TNFRSF1A: variants seen among roughly 807,000 people sequenced by gnomAD.
TNFRSF1A encodes TNF receptor superfamily member 1A.
Under a neutral mutation model 41.6 loss-of-function variants are expected in TNFRSF1A, and 9 were observed. The ratio of observed to expected loss-of-function variants is 0.22; its 90% CI spans 0.13 to 0.38. The LOEUF (loss-of-function observed/expected upper bound fraction) is 0.38, where lower values mean the gene tolerates loss of function less well. Among genes scored for constraint, TNFRSF1A ranks in the 10% least tolerant of loss-of-function variants. TNFRSF1A has a pLI of 1.00. For missense variants in TNFRSF1A, 463 were observed against 591.5 expected, an observed-to-expected ratio of 0.78 and a Z score of 2.25; for synonymous variants, 254 against 248.6, an observed-to-expected ratio of 1.02 and a Z score of -0.21.
At position 6,333,469 on chromosome 12, in the gene TNFRSF1A, C is replaced by T. The variant is rs104895278; in HGVS notation, c.370G>A (p.Val124Met). ...TACTGGTTCTTCCTGCAGCCACACA[C>T]GGTGTCCCGGTCCACTGTGCAAGAA... is the stretch of plus-strand genomic sequence containing the variant. ...ISSCTVDRDT[V>M]CGCRKNQYRH... is the part of the protein sequence containing the mutation. The change falls in exon 4 of 10, where the codon GTG (valine) becomes ATG (methionine). Residue 124 changes from valine to methionine, a missense_variant. Val to Met is a conservative substitution (Grantham distance 21, BLOSUM62 1). Transcript: ENST00000162749. This position sits in a 1 kb window ranked among gnomAD's most constrained non-coding sequence, Gnocchi z 6.3. 1.1e-4 allele frequency: 180 copies of T among 1,614,150 alleles called. No individual in the cohort carries two copies. Among genetic ancestry groups the T allele is most frequent in the South Asian group, 8.1e-4 (74 of 91,074 alleles).
Position 6,341,707 on chromosome 12 carries a change from G to T in TNFRSF1A, c.39+69C>A. On this transcript the variant is annotated intron_variant, in intron 1 of 9. Coordinates refer to ENST00000162749, the MANE Select transcript of TNFRSF1A (RefSeq NM_001065.4). This position sits in a 1 kb window ranked among gnomAD's most constrained non-coding sequence, Gnocchi z 4.6. ...GCAGGAGAGGCTCGGCCCCCTCCCG[G>T]AGAGGGCCCACGCCAGCCGGAAGGT... The T allele has an allele frequency of 6.3e-7, 1 of 1,588,684 alleles. No individual in the cohort carries two copies. Among genetic ancestry groups the T allele is most frequent in the South Asian group, 1.1e-5 (1 of 89,852 alleles).
Position 6,333,468 on chromosome 12 carries a change from A to C in TNFRSF1A, c.371T>G (p.Val124Gly), listed in dbSNP as rs200801196. The C allele has an allele frequency of 6.2e-7, 1 of 1,614,018 alleles. No homozygotes were observed. Among genetic ancestry groups the C allele is most frequent in the African/African-American group, 1.3e-5 (1 of 74,882 alleles). ...GTACTGGTTCTTCCTGCAGCCACAC[A>C]CGGTGTCCCGGTCCACTGTGCAAGA... ...ISSCTVDRDT[V>G]CGCRKNQYRH... is the part of the protein sequence containing the mutation. Residue 124 changes from valine to glycine, a missense_variant, in exon 4 of 10, where the codon GTG (valine) becomes GGG (glycine). Val to Gly is a moderately radical substitution (Grantham distance 109). This residue lies in a region of TNFRSF1A where 149 missense variants were observed against 239.4 expected (regional missense o/e 0.62). Transcript: ENST00000162749. This position sits in a 1 kb window ranked among gnomAD's most constrained non-coding sequence, Gnocchi z 6.3.
Position 6,329,274 on chromosome 12 carries a change from G to T in TNFRSF1A, c.*38C>A. On this transcript the variant is annotated 3_prime_UTR_variant, in exon 10 of 10. Transcript: ENST00000162749. ...AAAAGTGGGGTTGGAAGGCGATCTC[G>T]CAGGACGGTCCTTAGAGCTGCCCGC... is the stretch of plus-strand genomic sequence containing the variant. 1 of 1,432,884 alleles carries T rather than the reference G, an allele frequency of 7.0e-7. No homozygotes were observed. Among genetic ancestry groups the T allele is most frequent in the Non-Finnish European group, 9.1e-7 (1 of 1,100,376 alleles). The allele number at this position is 1,432,884 out of a possible 1,614,324, so 88.8% of individuals were successfully genotyped here.
chr12:6,333,703 G>C lies in TNFRSF1A; in HGVS notation c.322+34C>G. 1 of 1,560,924 alleles carries C rather than the reference G, an allele frequency of 6.4e-7. No individual in the cohort carries two copies. Among genetic ancestry groups the C allele is most frequent in the East Asian group, 2.4e-5 (1 of 41,848 alleles). On this transcript the variant is annotated intron_variant, in intron 3 of 9. Transcript: ENST00000162749. This position sits in a 1 kb window ranked among gnomAD's most constrained non-coding sequence, Gnocchi z 6.3. ...AGACAGGCACCCACACACCACTCAA[G>C]ACCCGCCTGACTCTCCTGCCTGTGC...
intron 5 of TNFRSF1A, among the ~76,000 whole-genome samples, chr12:6,332,457 A>AAGG (rs1364901075): frequency 3.8e-5 from 5 of 131,150 alleles, no homozygotes; most frequent in African/African-American, 1.2e-4. Flanking sequence ...AAAAAAAAAC[A>AAGG]CCAAAAGAAA....
In TNFRSF1A at chr12:6,333,563, C is replaced by T; in HGVS notation, c.323-47G>A. On this transcript the variant is annotated intron_variant, in intron 3 of 9. Coordinates refer to ENST00000162749, the MANE Select transcript of TNFRSF1A (RefSeq NM_001065.4). This position sits in a 1 kb window ranked among gnomAD's most constrained non-coding sequence, Gnocchi z 6.3. ...GTATGAGTCCTGCATCCTCCTGTCC[C>T]TGCATCCCCTTCCTGACATACCCCT... 3 of 1,613,246 alleles carry T rather than the reference C, an allele frequency of 1.9e-6. No individual in the cohort carries two copies. The highest frequency in any genetic ancestry group is 2.5e-6 in the Non-Finnish European group (3 of 1,179,528).
At chr12:6,335,525 A>G (rs986911381) in intron 1 of TNFRSF1A, among the ~76,000 whole-genome samples, 20 of 152,216 alleles carry the variant, frequency 1.3e-4, no homozygotes, top group African/African-American at 4.3e-4. Context: ...CAGTGCCAGG[A>G]AAGCAAAGCC....
chr12:6,329,369 G>A lies in TNFRSF1A; in HGVS notation c.1311C>T (p.Ile437=). ...DMDLLGCLED[I]EEALCGPAAL... is the part of the protein sequence containing the mutation. ...CGGCGGGGCCGCAAAGCGCCTCCTC[G>A]ATGTCCTCCAGGCAGCCCAGCAGGT... Residue 437 remains isoleucine (I), a synonymous_variant, in exon 10 of 10, where the codon ATC becomes ATT. Transcript: ENST00000162749. The A allele has an allele frequency of 3.3e-6, 5 of 1,506,644 alleles. No homozygotes were observed. Among genetic ancestry groups the A allele is most frequent in the Non-Finnish European group, 4.4e-6 (5 of 1,136,506 alleles). The allele number at this position is 1,506,644 out of a possible 1,614,324, so 93.3% of individuals were successfully genotyped here.
In TNFRSF1A at chr12:6,337,601, C is replaced by G. The variant is rs1948137366; in HGVS notation, c.40-3357G>C. 6.6e-6 allele frequency among the ~76,000 whole-genome samples: 1 copy of G among 152,162 alleles called. No individual in the cohort carries two copies. Among genetic ancestry groups the G allele is most frequent in the African/African-American group, 2.4e-5 (1 of 41,424 alleles). The stretch of plus-strand genomic sequence containing the variant: ...AGATCCCATCTCCCTCCCGTGAAGC[C>G]ACCATTGACGATGTCTGTTTCCTCC... On this transcript the variant is annotated intron_variant, in intron 1 of 9. Coordinates refer to ENST00000162749, the MANE Select transcript of TNFRSF1A (RefSeq NM_001065.4). This position sits in a 1 kb window ranked among gnomAD's most constrained non-coding sequence, Gnocchi z 4.6.
chr12:6,332,447 AAAAAAAAAC>A (rs1565467390), intron 5 of TNFRSF1A, among the ~76,000 whole-genome samples: 7 of 151,142 alleles, frequency 4.6e-5, no homozygotes, highest in Admixed American at 6.6e-5. Context: ...AAAAAAAAAA[AAAAAAAAAC>A]ACCAAAAGAA....
chr12:6,333,822 C>A lies in TNFRSF1A; in HGVS notation c.237G>T (p.Thr79=). 1.3e-6 allele frequency: 2 copies of A among 1,596,766 alleles called. No homozygotes were observed. The highest frequency in any genetic ancestry group is 1.7e-6 in the Non-Finnish European group (2 of 1,171,096). The change falls in exon 3 of 10, where the codon ACG becomes ACT. Residue 79 remains threonine, a synonymous_variant. Coordinates refer to ENST00000162749, the MANE Select transcript of TNFRSF1A (RefSeq NM_001065.4). This position sits in a 1 kb window ranked among gnomAD's most constrained non-coding sequence, Gnocchi z 6.3. ...AGCCGCTCTCACACTCCCTGCAGTC[C>A]GTATCCTGCCCCGGGCCTGGACAGT... ...YNDCPGPGQD[T]DCRECESGSF...
Position 6,341,888 on chromosome 12 carries a change from C to A in TNFRSF1A, c.-74G>T, listed in dbSNP as rs200084924. 1.3e-6 allele frequency: 2 copies of A among 1,563,624 alleles called. No individual in the cohort carries two copies. Among genetic ancestry groups the A allele is most frequent in the African/African-American group, 2.7e-5 (2 of 73,904 alleles). ...TGGCAGCGGCAGTGCTGGGGCTTCC[C>A]GGGACTCGGTCTGTCCAGGACGTCC... On this transcript the variant is annotated 5_prime_UTR_variant, in exon 1 of 10. Transcript: ENST00000162749. This position sits in a 1 kb window ranked among gnomAD's most constrained non-coding sequence, Gnocchi z 4.6.
In TNFRSF1A at chr12:6,330,908, C is replaced by T. The variant is rs772273430; in HGVS notation, c.570G>A (p.Glu190=). ...VSCSNCKKSL[E]CTKLCLPQIE... is the part of the protein sequence containing the mutation. The stretch of plus-strand genomic sequence containing the variant: ...TCTGGGGTAGGCACAACTTCGTGCA[C>T]TCCAGGCTTTTCTTACAGCTAAAAG... The change falls in exon 6 of 10, where the codon GAG becomes GAA. Residue 190 remains glutamate, a synonymous_variant. Transcript: ENST00000162749. 9 of 1,613,588 alleles carry T rather than the reference C, an allele frequency of 5.6e-6. No individual in the cohort carries two copies. The Admixed American group carries it at 1.2e-4, about 21-fold the overall frequency.
chr12:6,330,337 T>C, intron 7 of TNFRSF1A, 42 bp from the exon 8 acceptor site: 3 of 1,591,388 alleles, frequency 1.9e-6, no homozygotes, highest in Admixed American at 1.7e-5. Context: ...TCACTTCCTC[T>C]CTCAGCCCTG....
At chr12:6,331,065 G>A in intron 5 of TNFRSF1A, 139 bp from the exon 6 acceptor site, 1 of 725,184 alleles carries the variant, frequency 1.4e-6, no homozygotes, top group Non-Finnish European at 2.4e-6. Flanking sequence ...GGGAACTGAT[G>A]CAGAAGAATG....
In TNFRSF1A at chr12:6,341,250, T is replaced by A. The variant is rs1015266487; in HGVS notation, c.39+526A>T. On this transcript the variant is annotated intron_variant, in intron 1 of 9. Transcript: ENST00000162749. This position sits in a 1 kb window ranked among gnomAD's most constrained non-coding sequence, Gnocchi z 4.6. ...ACCCACCACACCAGCCCATCCCCAC[T>A]CCTCAACTCACTCCCCCACTTCACC... is the stretch of plus-strand genomic sequence containing the variant. Among the ~76,000 whole-genome samples, 6 of 150,926 alleles carry A rather than the reference T, an allele frequency of 4.0e-5. No individual in the cohort carries two copies. Among genetic ancestry groups the A allele is most frequent in the African/African-American group, 1.5e-4 (6 of 40,958 alleles).
chr12:6,329,503 C>G lies in TNFRSF1A; in HGVS notation c.1177G>C (p.Gly393Arg), dbSNP rs898201669. Residue 393 changes from glycine to arginine, a missense_variant, in exon 10 of 10, where the codon GGG becomes CGG. Gly to Arg is a moderately radical substitution (Grantham distance 125, BLOSUM62 -2). This residue lies in a region of TNFRSF1A where 277 missense variants were observed against 288.8 expected (regional missense o/e 0.96). Transcript: ENST00000162749. ...TATTGCGCCTCGCGCAGGCAGCGCC[C>G]GTTCTGCAGCTCCAGCCGATCGATC... ...HEIDRLELQN[G>R]RCLREAQYSM... 1 of 1,594,954 alleles carries G rather than the reference C, an allele frequency of 6.3e-7. No homozygotes were observed.
rs1174145043 is a variant in TNFRSF1A, at chr12:6,330,562, C to T, written c.739+36G>A. ...ACCCACCCATGTCCTCCCTCACCCC[C>T]ACCAGCTCCCTCTCCCTCCCAAAGC... is the stretch of plus-strand genomic sequence containing the variant. On this transcript the variant is annotated intron_variant, in intron 7 of 9. Transcript: ENST00000162749. The T allele has an allele frequency of 2.0e-6, 3 of 1,513,592 alleles. No homozygotes were observed. In the South Asian group the frequency reaches 3.4e-5, roughly 17 times the overall value. The allele number at this position is 1,513,592 out of a possible 1,614,324, so 93.8% of individuals were successfully genotyped here.
At position 6,333,716 on chromosome 12, in the gene TNFRSF1A, C is replaced by G. The variant is rs1218194032; in HGVS notation, c.322+21G>C. 6.4e-7 allele frequency: 1 copy of G among 1,565,182 alleles called. No individual in the cohort carries two copies. The highest frequency in any genetic ancestry group is 8.7e-7 in the Non-Finnish European group (1 of 1,153,824). On this transcript the variant is annotated intron_variant, in intron 3 of 9. Coordinates refer to ENST00000162749, the MANE Select transcript of TNFRSF1A (RefSeq NM_001065.4). This position sits in a 1 kb window ranked among gnomAD's most constrained non-coding sequence, Gnocchi z 6.3. The stretch of plus-strand genomic sequence containing the variant: ...CACACCACTCAAGACCCGCCTGACT[C>G]TCCTGCCTGTGCACACTCACCCTTT...
Sources: allele counts gnomAD v4.1 joint callset (sites outside exome capture counted in the v4.1 genomes callset), GRCh38; gene constraint gnomAD v4.1.1; regional missense constraint gnomAD v4.1.1; non-coding constraint Gnocchi (gnomAD v3.1); transcripts MANE v1.5; gene names NCBI Gene and HGNC (gene_info 2026-07-23, HGNC 2026-07-21).